Variants in ZC3H12B observed in about 807,000 individuals in gnomAD.
The protein encoded by ZC3H12B is probable ribonuclease ZC3H12B.
In ZC3H12B, 7 loss-of-function variants were observed where a neutral mutation model predicts 43.9. That is an observed-to-expected ratio of 0.16 (90% CI 0.09 to 0.30). ZC3H12B has a LOEUF of 0.30. Among genes scored for constraint, ZC3H12B ranks in the 10% least tolerant of loss-of-function variants. The pLI is 1.00. For synonymous variants in ZC3H12B, 222 were observed against 241.7 expected, an observed-to-expected ratio of 0.92 and a Z score of 0.76; for missense variants, 475 against 670.2, an observed-to-expected ratio of 0.71 and a Z score of 3.22.
chrX:65,295,628 A>G, the ZC3H12B span, among the ~76,000 whole-genome samples: 1 of 111,972 alleles, frequency 8.9e-6, no homozygotes, highest in Non-Finnish European at 1.9e-5. Flanking sequence ...TGGTTCTTTG[A>G]AAAGATAAAC....
At chrX:65,396,924 T>C (rs1199669800) in intron 2 of ZC3H12B, among the ~76,000 whole-genome samples, 1 of 111,923 alleles carries the variant, frequency 8.9e-6, no homozygotes, top group Non-Finnish European at 1.9e-5. Context: ...AGTTAGCTCT[T>C]CTTGTTGCAT....
chrX:65,452,784 C>A (rs1411200576), intron 3 of ZC3H12B, among the ~76,000 whole-genome samples: 1 of 107,848 alleles, frequency 9.3e-6, no homozygotes, highest in Non-Finnish European at 1.9e-5. Flanking sequence ...GAGGTTACAG[C>A]AAGCCAAGAT....
intron 3 of ZC3H12B, among the ~76,000 whole-genome samples, chrX:65,450,224 G>A (rs1020696351): frequency 5.9e-5 from 6 of 101,186 alleles, no homozygotes; most frequent in Non-Finnish European, 9.9e-5. Flanking sequence ...AGAATTACTT[G>A]AACCGGGAGT....
the ZC3H12B span, among the ~76,000 whole-genome samples, chrX:65,153,127 A>C: frequency 1.8e-5 from 2 of 111,980 alleles, no homozygotes; most frequent in African/African-American, 6.5e-5. Context: ...AACCATAAAA[A>C]CCCTAGAAGA....
At chrX:65,163,273 A>C in the ZC3H12B span, among the ~76,000 whole-genome samples, 5 of 111,275 alleles carry the variant, frequency 4.5e-5, no homozygotes, top group East Asian at 8.6e-4. Flanking sequence ...CAGCTGCGTG[A>C]TGGGAGAACC....
At position 65,387,054 on chromosome X, in the gene ZC3H12B, C is replaced by T. The variant is rs765587768; in HGVS notation, n.296-11539C>T. On this transcript the variant is annotated intron_variant and non_coding_transcript_variant, in intron 2 of 5. Coordinates refer to the ZC3H12B transcript ENST00000617377. ...GTTCTTTTACATGTGCTGAGGAGTG[C>T]TTTACTTCCAACTATGTGGTCAATT... Among the ~76,000 whole-genome samples the T allele has an allele frequency of 6.3e-5, 7 of 111,725 alleles. No homozygotes were observed. In the South Asian group the frequency reaches 2.6e-3, roughly 42 times the overall value.
At chrX:65,401,599 C>A (rs767869714) in intron 3 of ZC3H12B, among the ~76,000 whole-genome samples, 25 of 111,947 alleles carry the variant, frequency 2.2e-4, no homozygotes, top group Non-Finnish European at 4.3e-4. Context: ...AAACACCAGC[C>A]AGCACAGTTA....
chrX:65,498,956 A>G, intron 2 of ZC3H12B, 43 bp from the exon 8 acceptor site: 1 of 1,069,564 alleles, frequency 9.3e-7, no homozygotes, highest in Non-Finnish European at 1.3e-6. Context: ...GTTAATTTCC[A>G]AAGATGATTT....
At chrX:65,191,434 T>A in the ZC3H12B span, among the ~76,000 whole-genome samples, 7 of 99,846 alleles carry the variant, frequency 7.0e-5, no homozygotes, top group Non-Finnish European at 1.4e-4. Flanking sequence ...GGTCCTGGAC[T>A]CTTTTTGGTT....
chrX:65,186,002 A>G, the ZC3H12B span: 1 of 111,704 alleles, frequency 9.0e-6, no homozygotes, highest in Non-Finnish European at 1.9e-5. Flanking sequence ...CAGTACTACA[A>G]TCAGAGAAAG....
chrX:65,416,072 A>G (rs1188026244), intron 3 of ZC3H12B, among the ~76,000 whole-genome samples: 1 of 111,906 alleles, frequency 8.9e-6, no homozygotes, highest in Non-Finnish European at 1.9e-5. Context: ...GAACAGAATT[A>G]AACTTCTTCA....
intron 3 of ZC3H12B, among the ~76,000 whole-genome samples, chrX:65,454,058 G>A (rs771697142): frequency 6.2e-5 from 7 of 112,254 alleles, no homozygotes; most frequent in South Asian, 3.7e-4. Flanking sequence ...AGCACCCAGC[G>A]TGAGTGACGC....
the ZC3H12B span, among the ~76,000 whole-genome samples, chrX:65,352,539 G>A: frequency 3.7e-4 from 41 of 110,886 alleles, no homozygotes; most frequent in Non-Finnish European, 2.5e-4. Context: ...TCTTTTCGGG[G>A]GTGATAAAAT....
chrX:65,225,162 C>A, the ZC3H12B span, among the ~76,000 whole-genome samples: 1 of 111,649 alleles, frequency 9.0e-6, no homozygotes. Flanking sequence ...CGACCAGGTA[C>A]TCCTCTGAGA....
chrX:65,146,463 A>G, the ZC3H12B span, among the ~76,000 whole-genome samples: 6 of 111,561 alleles, frequency 5.4e-5, no homozygotes, highest in Admixed American at 9.5e-5. Flanking sequence ...TTTCAAGTAA[A>G]TCTGGGATTT....
At chrX:65,471,295 A>G (rs1362894953) in intron 3 of ZC3H12B, among the ~76,000 whole-genome samples, 1 of 110,312 alleles carries the variant, frequency 9.1e-6, no homozygotes. Context: ...TTGTTGCTTT[A>G]AAGTCTATTC....
chrX:65,103,466 G>A, the ZC3H12B span, among the ~76,000 whole-genome samples: 42 of 111,253 alleles, frequency 3.8e-4, no homozygotes, highest in South Asian at 0.012. Context: ...TGCAGTTAAC[G>A]CAATCATCAC....
At chrX:65,089,212 A>C in the ZC3H12B span, among the ~76,000 whole-genome samples, 2 of 111,269 alleles carry the variant, frequency 1.8e-5, no homozygotes, top group Non-Finnish European at 3.8e-5. Context: ...CATTGTTGTG[A>C]GCATCATAGA....
At chrX:65,231,112 G>A in the ZC3H12B span, among the ~76,000 whole-genome samples, 1 of 110,912 alleles carries the variant, frequency 9.0e-6, no homozygotes, top group Non-Finnish European at 1.9e-5. Flanking sequence ...TTACAACTGG[G>A]CCTCCGGAGG....
Sources: allele counts gnomAD v4.1 joint callset (sites outside exome capture counted in the v4.1 genomes callset), GRCh38; gene constraint gnomAD v4.1.1; transcripts MANE v1.5; gene names NCBI Gene and HGNC (gene_info 2026-07-23, HGNC 2026-07-21).